Variants in TENM3 observed in about 807,000 individuals in gnomAD.
The protein encoded by TENM3 is teneurin transmembrane protein 3, also known as teneurin-3.
In TENM3, 63 loss-of-function variants were observed where a neutral mutation model predicts 255.1. The observed-to-expected ratio is 0.25, with a 90% CI of 0.20 to 0.30. The LOEUF is 0.30. TENM3 is among the 10% of genes least tolerant of loss of function. The pLI, the probability that TENM3 is intolerant of heterozygous loss-of-function variation, is 1.00. For synonymous variants in TENM3, 1,306 were observed against 1,322.3 expected, an observed-to-expected ratio of 0.99 and a Z score of 0.27; for missense variants, 2,929 against 3,461.1, an observed-to-expected ratio of 0.85 and a Z score of 3.86.
At chr4:182,113,235 T>C in the TENM3 span, among the ~76,000 whole-genome samples, 1 of 152,252 alleles carries the variant, frequency 6.6e-6, no homozygotes, top group Non-Finnish European at 1.5e-5. Flanking sequence ...TTTCTTTTAA[T>C]AGACTTAAAG....
At chr4:182,191,361 T>C (rs1038696654) in intron 1 of TENM3, among the ~76,000 whole-genome samples, 3 of 152,158 alleles carry the variant, frequency 2.0e-5, no homozygotes, top group Admixed American at 1.3e-4. Context: ...CTTTGCCTTT[T>C]CTCCGGCTCT....
chr4:181,814,268 G>C, the TENM3 span, among the ~76,000 whole-genome samples: 1 of 152,026 alleles, frequency 6.6e-6, no homozygotes, highest in Non-Finnish European at 1.5e-5. Flanking sequence ...ACTTTAAGAT[G>C]AAGAGCATTA....
chr4:181,526,103 G>A, the TENM3 span, among the ~76,000 whole-genome samples: 1 of 152,234 alleles, frequency 6.6e-6, no homozygotes, highest in East Asian at 1.9e-4. Flanking sequence ...ACAGACATTG[G>A]AGTATGGAAT....
chr4:182,745,916 CCT>C (rs1469233813), intron 19 of TENM3, among the ~76,000 whole-genome samples: 1 of 151,840 alleles, frequency 6.6e-6, no homozygotes, highest in African/African-American at 2.4e-5. Context: ...TATTGTAATC[CCT>C]CTCTCATGAT....
intron 11 of TENM3, among the ~76,000 whole-genome samples, chr4:182,687,243 T>C (rs1756651900): frequency 6.6e-6 from 1 of 152,154 alleles, no homozygotes; most frequent in Admixed American, 6.5e-5. Flanking sequence ...AGTCTTAGAA[T>C]TTTAGGGGAA....
At chr4:181,913,539 T>A in the TENM3 span, among the ~76,000 whole-genome samples, 1 of 152,084 alleles carries the variant, frequency 6.6e-6, no homozygotes, top group Admixed American at 6.6e-5. Context: ...CTAAGCTAAT[T>A]CCAAATGGCT....
the TENM3 span, among the ~76,000 whole-genome samples, chr4:181,567,843 A>C: frequency 0.026 from 3,984 of 152,310 alleles, 157 homozygotes; most frequent in African/African-American, 0.088. Context: ...AAGGAGACTG[A>C]GGATCTGAAA....
the TENM3 span, among the ~76,000 whole-genome samples, chr4:181,548,897 C>T: frequency 1.3e-5 from 2 of 152,096 alleles, no homozygotes; most frequent in Admixed American, 6.5e-5. Context: ...TTAATGATAA[C>T]ATTTATTCTA....
Position 182,792,738 on chromosome 4 carries a change from C to G in TENM3, c.6066C>G (p.Asp2022Glu). The G allele has an allele frequency of 6.2e-7, 1 of 1,613,906 alleles. No individual in the cohort carries two copies. The highest frequency in any genetic ancestry group is 8.5e-7 in the Non-Finnish European group (1 of 1,179,886). Residue 2022 changes from aspartate to glutamate, a missense_variant, in exon 26 of 28, where the codon GAC becomes GAG. By Grantham distance (45) the Asp-to-Glu change is conservative. Coordinates refer to ENST00000511685, the MANE Select transcript of TENM3 (RefSeq NM_001080477.4). This position sits in a 1 kb window ranked among gnomAD's most constrained non-coding sequence, Gnocchi z 6.3. ...ATGCAAGATTTGACTATAGCTATGACAACAGCTTTCGAGTGACCAGCATGC... is the reference window on the plus strand; with the variant it reads ...ATGCAAGATTTGACTATAGCTATGAGAACAGCTTTCGAGTGACCAGCATGC... ...MVNARFDYSY[D>E]NSFRVTSMQG...
the TENM3 span, among the ~76,000 whole-genome samples, chr4:181,869,544 C>G: frequency 6.6e-6 from 1 of 151,952 alleles, no homozygotes. Context: ...GATGGATACA[C>G]CCTTCTCCAT....
chr4:182,473,582 T>A (rs890410041), intron 3 of TENM3, among the ~76,000 whole-genome samples: 14 of 151,584 alleles, frequency 9.2e-5, no homozygotes, highest in Middle Eastern at 3.4e-3. Flanking sequence ...CTGAGGCAAG[T>A]GAATGGCGTG....
At chr4:181,904,040 T>C in the TENM3 span, among the ~76,000 whole-genome samples, 16 of 152,278 alleles carry the variant, frequency 1.1e-4, no homozygotes, top group African/African-American at 3.6e-4. Flanking sequence ...CTCTTGGATG[T>C]TCTTTGGGCA....
rs370605857 is a variant in TENM3, at chr4:182,774,990, C to T, written c.5141C>T (p.Ser1714Leu). ...LRIIYASGLD[S>L]HYQTEPHVLA... is the part of the protein sequence containing the mutation. ...ATTATCTACGCCAGTGGCCTGGACT[C>T]ACACTACCAAACAGAGCCGCACGTT... The change falls in exon 24 of 28, where the codon TCA (serine) becomes TTA (leucine). Residue 1714 changes from serine to leucine, a missense_variant. Around this residue, in one of 6 missense-constraint regions of TENM3, gnomAD observed 303 missense variants for 425.2 expected, o/e 0.71. Coordinates refer to ENST00000511685, the MANE Select transcript of TENM3 (RefSeq NM_001080477.4). 25 of 1,613,826 alleles carry T rather than the reference C, an allele frequency of 1.5e-5. 1 individual carries two copies. The highest frequency in any genetic ancestry group is 2.0e-5 in the Non-Finnish European group (24 of 1,179,886).
At chr4:181,503,025 A>T in the TENM3 span, among the ~76,000 whole-genome samples, 1 of 152,152 alleles carries the variant, frequency 6.6e-6, no homozygotes, top group Non-Finnish European at 1.5e-5. Flanking sequence ...GTTTCTTCTT[A>T]AAAATGGGAA....
At chr4:182,538,152 C>T (rs902618298) in intron 3 of TENM3, among the ~76,000 whole-genome samples, 3 of 152,048 alleles carry the variant, frequency 2.0e-5, no homozygotes, top group South Asian at 2.1e-4. Context: ...TTCAGGCATC[C>T]GCACGTCTCT....
At chr4:182,311,162 G>A (rs570398132) in intron 1 of TENM3, among the ~76,000 whole-genome samples, 3 of 152,306 alleles carry the variant, frequency 2.0e-5, no homozygotes, top group South Asian at 4.1e-4. Flanking sequence ...TGTCATTTAT[G>A]TTCTTCTCTA....
intron 6 of TENM3, among the ~76,000 whole-genome samples, chr4:182,660,664 T>TCC (rs1341236251): frequency 3.9e-5 from 6 of 152,246 alleles, no homozygotes; most frequent in Admixed American, 6.5e-5. Flanking sequence ...CATCATTCGT[T>TCC]ATTTATATTT....
At chr4:181,719,254 A>AATAT in the TENM3 span, among the ~76,000 whole-genome samples, 1 of 150,350 alleles carries the variant, frequency 6.7e-6, no homozygotes, top group African/African-American at 2.4e-5. Context: ...TAAAAATGAA[A>AATAT]ATATATATAT....
At chr4:181,635,048 A>G in the TENM3 span, among the ~76,000 whole-genome samples, 1 of 152,172 alleles carries the variant, frequency 6.6e-6, no homozygotes, top group Non-Finnish European at 1.5e-5. Flanking sequence ...CTATCTCTGA[A>G]AACATGAGGT....
Sources: allele counts gnomAD v4.1 joint callset (sites outside exome capture counted in the v4.1 genomes callset), GRCh38; gene constraint gnomAD v4.1.1; regional missense constraint gnomAD v4.1.1; non-coding constraint Gnocchi (gnomAD v3.1); transcripts MANE v1.5; gene names NCBI Gene and HGNC (gene_info 2026-07-23, HGNC 2026-07-21).